The following PCDHGB1 variants were observed in gnomAD, a reference collection of about 807,000 sequenced individuals.
The protein encoded by PCDHGB1 is protocadherin gamma subfamily B, 1.
In PCDHGB1, 34 loss-of-function variants were observed where a neutral mutation model predicts 56.6. That is an observed-to-expected ratio of 0.60 (90% confidence interval 0.46 to 0.80). The LOEUF is 0.80. PCDHGB1 is among the 30% of genes least tolerant of loss of function. The pLI is 0.00. For missense variants in PCDHGB1, 1,278 were observed against 1,204.6 expected (o/e 1.06, Z -0.90); for synonymous variants, 561 against 505.9 (o/e 1.11, Z -1.46).
chr5:141,512,275 A>G lies in PCDHGB1; in HGVS notation c.*1102A>G, dbSNP rs368275103. 1 of 152,730 alleles carries G rather than the reference A, an allele frequency of 6.5e-6. No individual in the cohort carries two copies. The highest frequency in any genetic ancestry group is 2.1e-4 in the South Asian group (1 of 4,824). The allele number at this position is 152,730 out of a possible 1,614,324, so 9.5% of individuals were successfully genotyped here. ...GGGTGCTGGGTACTCCAGAGGTGCC[A>G]CTGGTGGAAGGGTCAGCGGAGCCCC... On this transcript the variant is annotated 3_prime_UTR_variant, in exon 4 of 4. Transcript: ENST00000523390.
Position 141,399,994 on chromosome 5 carries a change from C to T in PCDHGB1, c.2409+47325C>T, listed in dbSNP as rs538358679. 27 of 1,612,262 alleles carry T rather than the reference C, an allele frequency of 1.7e-5. No individual in the cohort carries two copies. The East Asian group carries it at 1.8e-4, about 11-fold the overall frequency. On this transcript the variant is annotated intron_variant, in intron 1 of 3. Coordinates refer to ENST00000523390, the MANE Select transcript of PCDHGB1 (RefSeq NM_018922.3). ...CCTGGGGCTGCGCACAGGAGAGGTG[C>T]GCACAGCGCGTGCCTTGGGCGACAG...
chr5:141,364,528 C>T (rs1445482375), intron 1 of PCDHGB1: 5 of 1,614,048 alleles, frequency 3.1e-6, no homozygotes, highest in Non-Finnish European at 2.5e-6. Context: ...GAGTCCGCAT[C>T]GTCTCCAGAG....
At chr5:141,389,725 T>A in intron 1 of PCDHGB1, 1 of 1,612,726 alleles carries the variant, frequency 6.2e-7, no homozygotes, top group South Asian at 1.1e-5. Flanking sequence ...GAGCCCGGGC[T>A]CTTCAGCCTG....
chr5:141,385,991 T>C (rs1044328038), intron 1 of PCDHGB1: 1 of 152,222 alleles, frequency 6.6e-6, no homozygotes, highest in East Asian at 1.9e-4. Context: ...ATATGTCAAA[T>C]AAAATGTCAT....
chr5:141,364,254 G>A, intron 1 of PCDHGB1: 1 of 1,492,278 alleles, frequency 6.7e-7, no homozygotes, highest in Non-Finnish European at 8.9e-7. Flanking sequence ...CAGGGAATAT[G>A]TACCCATCGG....
chr5:141,374,902 C>T (rs1481689020), intron 1 of PCDHGB1: 2 of 1,613,754 alleles, frequency 1.2e-6, no homozygotes, highest in Middle Eastern at 1.6e-4. Flanking sequence ...ATGAAGGAGT[C>T]CACGGGGAAG....
At chr5:141,386,725 TA>T (rs1200567298) in intron 1 of PCDHGB1, among the ~76,000 whole-genome samples, 3 of 152,182 alleles carry the variant, frequency 2.0e-5, no homozygotes, top group African/African-American at 7.2e-5. Context: ...CCAACAATGT[TA>T]CTGAGGGAAG....
At chr5:141,423,982 T>C in intron 1 of PCDHGB1, 3 of 1,106,134 alleles carry the variant, frequency 2.7e-6, no homozygotes, top group Non-Finnish European at 3.4e-6. Flanking sequence ...TGTATGAGGC[T>C]CTCAATTTAT....
In PCDHGB1 at chr5:141,491,652, G is replaced by A. The variant is rs370043428; in HGVS notation, c.2410-3155G>A. ...AGCAGCCCACAGCTCTGGCGCTGGAGCCTGACGCCATCCGGTCCCGCTCTA... is the reference window on the plus strand; with the variant it reads ...AGCAGCCCACAGCTCTGGCGCTGGAACCTGACGCCATCCGGTCCCGCTCTA... On this transcript the variant is annotated intron_variant, in intron 1 of 3. Transcript: ENST00000523390. This position sits in a 1 kb window ranked among gnomAD's most constrained non-coding sequence, Gnocchi z 6.9. 2 of 1,613,726 alleles carry A rather than the reference G, an allele frequency of 1.2e-6. No homozygotes were observed. Among genetic ancestry groups the A allele is most frequent in the African/African-American group, 1.3e-5 (1 of 74,944 alleles).
rs779949480 is a variant in PCDHGB1, at chr5:141,489,768, C to G, written c.2410-5039C>G. The G allele has an allele frequency of 6.2e-7, 1 of 1,614,134 alleles. No individual in the cohort carries two copies. The highest frequency in any genetic ancestry group is 1.1e-5 in the South Asian group (1 of 91,072). On this transcript the variant is annotated intron_variant, in intron 1 of 3. Coordinates refer to ENST00000523390, the MANE Select transcript of PCDHGB1 (RefSeq NM_018922.3). The surrounding 1 kb of genome is among the most constrained non-coding windows in gnomAD (Gnocchi z 4.5). ...GCTTTTACACTCTAAGCCCCAACAG[C>G]CACTTCTCTCTGAATGTGAAGACCC...
chr5:141,426,513 CG>C, intron 1 of PCDHGB1: 1 of 341,148 alleles, frequency 2.9e-6, no homozygotes, highest in Non-Finnish European at 5.8e-6. Flanking sequence ...AATACTTTAC[CG>C]TGAACACGGA....
At chr5:141,375,882 A>G in intron 1 of PCDHGB1, 1 of 1,613,814 alleles carries the variant, frequency 6.2e-7, no homozygotes, top group Non-Finnish European at 8.5e-7. Flanking sequence ...GACTCGGGCC[A>G]GAACGCCTGG....
intron 1 of PCDHGB1, chr5:141,389,522 G>A: frequency 6.2e-7 from 1 of 1,613,178 alleles, no homozygotes; most frequent in Non-Finnish European, 8.5e-7. Context: ...ACGTGAGCCT[G>A]CGCGTGTTAG....
intron 1 of PCDHGB1, chr5:141,404,234 G>A (rs2094500908): frequency 6.2e-7 from 1 of 1,613,770 alleles, no homozygotes; most frequent in African/African-American, 1.3e-5. Context: ...AACAGACAGA[G>A]GAACTCCGCC....
At chr5:141,389,315 G>A (rs1257183989) in intron 1 of PCDHGB1, 2 of 1,613,866 alleles carry the variant, frequency 1.2e-6, no homozygotes, top group African/African-American at 1.3e-5. Flanking sequence ...CTTCTGATCC[G>A]GACTTGGGGC....
intron 1 of PCDHGB1, chr5:141,392,860 T>C (rs726684): frequency 6.2e-7 from 1 of 1,612,118 alleles, no homozygotes; most frequent in Non-Finnish European, 8.5e-7. Flanking sequence ...CTGATCCTGC[T>C]GTGCGCGCTG....
intron 1 of PCDHGB1, among the ~76,000 whole-genome samples, chr5:141,480,753 G>A (rs1418880497): frequency 1.3e-5 from 2 of 152,144 alleles, no homozygotes; most frequent in Non-Finnish European, 2.9e-5. Flanking sequence ...ATCATTTTTT[G>A]AAGGTCCCCA....
At chr5:141,427,946 T>A (rs769401863) in intron 1 of PCDHGB1, 1 of 1,586,550 alleles carries the variant, frequency 6.3e-7, no homozygotes, top group Middle Eastern at 1.7e-4. Flanking sequence ...GCGACCTCAA[T>A]GACAATGTGC....
rs1758954803 is a variant in PCDHGB1, at chr5:141,352,233, TA to T, written c.1975del (p.Ile659SerfsTer36). 1 of 1,613,962 alleles carries T rather than the reference TA, an allele frequency of 6.2e-7. No individual in the cohort carries two copies. Among genetic ancestry groups the T allele is most frequent in the Non-Finnish European group, 8.5e-7 (1 of 1,179,908 alleles). ...PPLSATATLH[L>X]IFADSLQEVL... ...CTCTCCGCCACCGCCACGCTGCACCTAATCTTCGCGGATAGCCTGCAAGAGG... is the reference window on the plus strand; with the variant it reads ...CTCTCCGCCACCGCCACGCTGCACCTATCTTCGCGGATAGCCTGCAAGAGG... On this transcript the variant is annotated frameshift_variant, in exon 1 of 4. Coordinates refer to ENST00000523390, the MANE Select transcript of PCDHGB1 (RefSeq NM_018922.3). LOFTEE classifies it high-confidence loss of function.
Sources: allele counts gnomAD v4.1 joint callset (sites outside exome capture counted in the v4.1 genomes callset), GRCh38; gene constraint gnomAD v4.1.1; non-coding constraint Gnocchi (gnomAD v3.1); transcripts MANE v1.5; gene names NCBI Gene and HGNC (gene_info 2026-07-23, HGNC 2026-07-21).